ADGRA3: variants seen among roughly 807,000 people sequenced by gnomAD.
ADGRA3 encodes the protein adhesion G protein-coupled receptor A3.
ADGRA3 carries 56 observed loss-of-function variants against 119.8 expected under a neutral mutation model. That is an observed-to-expected ratio of 0.47 (90% CI 0.38 to 0.58). ADGRA3 has a LOEUF of 0.58. Ranked by LOEUF, ADGRA3 falls within the 20% of genes least tolerant of loss-of-function variation. The probability of loss-of-function intolerance (pLI) is 0.00; values close to 1 mark genes in which losing one functional copy is unlikely to be tolerated. For synonymous variants in ADGRA3, 607 were observed against 623.8 expected (o/e 0.97, Z 0.40); for missense variants, 1,516 against 1,649.0 (o/e 0.92, Z 1.40).
intron 14 of ADGRA3, among the ~76,000 whole-genome samples, chr4:22,406,368 CT>C (rs1714926722): frequency 6.6e-6 from 1 of 152,158 alleles, no homozygotes. Flanking sequence ...CATACGGTAG[CT>C]CTATTTTTAG....
chr4:22,402,115 G>A (rs189442842), intron 15 of ADGRA3, among the ~76,000 whole-genome samples: 1 of 152,062 alleles, frequency 6.6e-6, no homozygotes, highest in Non-Finnish European at 1.5e-5. Flanking sequence ...CTAGCAAAAC[G>A]TTTTGTAAAG....
At chr4:22,474,475 G>A (rs1051840830) in intron 1 of ADGRA3, among the ~76,000 whole-genome samples, 4 of 152,100 alleles carry the variant, frequency 2.6e-5, no homozygotes, top group South Asian at 2.1e-4. Flanking sequence ...TCATAGTTGC[G>A]CCTATCCCAA....
rs1442522622 is a variant in ADGRA3, at chr4:22,388,094, C to T, written c.3577G>A (p.Asp1193Asn). 2.5e-6 allele frequency: 4 copies of T among 1,614,034 alleles called. No individual in the cohort carries two copies. The highest frequency in any genetic ancestry group is 1.7e-5 in the Admixed American group (1 of 59,996). ...RLTVLREYAYDVPTSVEGSVQ... is the reference protein window; with the variant it reads ...RLTVLREYAYNVPTSVEGSVQ... Reference sequence around the variant, plus strand: ...CTTCCTTCCACGCTCGTTGGGACATCGTAGGCATATTCTCTCAGGACTGTG... The same window carrying T: ...CTTCCTTCCACGCTCGTTGGGACATTGTAGGCATATTCTCTCAGGACTGTG... The change falls in exon 19 of 19, where the codon GAT (aspartate) becomes AAT (asparagine). Residue 1193 changes from aspartate to asparagine, a missense_variant. Asp to Asn is a conservative substitution (Grantham distance 23). This residue lies in a region of ADGRA3 where 1,088 missense variants were observed against 1,107.1 expected (regional missense o/e 0.98). Transcript: ENST00000334304.
At chr4:22,402,883 T>C in intron 14 of ADGRA3, 84 bp from the exon 15 acceptor site, 1 of 1,321,672 alleles carries the variant, frequency 7.6e-7, no homozygotes. Flanking sequence ...CGAAAACACA[T>C]CAATAAACAA....
intron 1 of ADGRA3, among the ~76,000 whole-genome samples, chr4:22,489,291 C>T (rs1224393677): frequency 1.3e-5 from 2 of 151,934 alleles, no homozygotes; most frequent in African/African-American, 2.4e-5. Flanking sequence ...CCACCAGGTC[C>T]CTCCCATAAC....
Position 22,461,744 on chromosome 4 carries a change from T to C in ADGRA3, c.394A>G (p.Lys132Glu), listed in dbSNP as rs1717464188. 2.5e-6 allele frequency: 4 copies of C among 1,602,740 alleles called. No individual in the cohort carries two copies. Among genetic ancestry groups the C allele is most frequent in the Non-Finnish European group, 2.6e-6 (3 of 1,172,038 alleles). Reference sequence around the variant, plus strand: ...AGCAATTCAAACACTTACAATCTTTTTAGAGATGACAGTCCCCAGAAGGCA... The same window carrying C: ...AGCAATTCAAACACTTACAATCTTTCTAGAGATGACAGTCCCCAGAAGGCA... Reference protein sequence around the residue: ...PGAFWGLSSLKRLDLTNNRIG... With the variant: ...PGAFWGLSSLERLDLTNNRIG... Residue 132 changes from lysine (K) to glutamate (E), a missense_variant, in exon 3 of 19, where the codon AAA becomes GAA. Physicochemically the swap from Lys to Glu is moderately conservative, Grantham distance 56. Transcript: ENST00000334304.
intron 1 of ADGRA3, among the ~76,000 whole-genome samples, chr4:22,507,700 C>T (rs530027374): frequency 6.6e-6 from 1 of 152,282 alleles, no homozygotes; most frequent in East Asian, 1.9e-4. Flanking sequence ...ACCCTGTCAT[C>T]ATATCAGAAA....
rs781447096 is a variant in ADGRA3 at position 22,388,344 on chromosome 4, G to A, written c.3327C>T (p.Ser1109=). 1.9e-6 allele frequency: 3 copies of A among 1,614,116 alleles called. No individual in the cohort carries two copies. Among genetic ancestry groups the A allele is most frequent in the Non-Finnish European group, 1.7e-6 (2 of 1,180,010 alleles). ...TNKSASSFKN[S]SQGCKLTNLQ... ...AGTTTGTTAATTTGCAGCCCTGGGA[G>A]GAATTTTTGAAGCTTGAAGCACTTT... Residue 1109 remains serine (S), a synonymous_variant, in exon 19 of 19, where the codon TCC becomes TCT. Coordinates refer to ENST00000334304, the MANE Select transcript of ADGRA3 (RefSeq NM_145290.4).
intron 12 of ADGRA3, among the ~76,000 whole-genome samples, chr4:22,418,100 T>C (rs1407723170): frequency 1.3e-5 from 2 of 152,230 alleles, no homozygotes; most frequent in Non-Finnish European, 2.9e-5. Context: ...TGCTAACATA[T>C]CTGAGTTATG....
At chr4:22,403,428 C>A (rs1307838328) in intron 14 of ADGRA3, among the ~76,000 whole-genome samples, 2 of 151,840 alleles carry the variant, frequency 1.3e-5, no homozygotes, top group Non-Finnish European at 2.9e-5. Flanking sequence ...AGAGGAAGAG[C>A]CCTGTAAGAG....
intron 2 of ADGRA3, among the ~76,000 whole-genome samples, chr4:22,472,184 C>A (rs1717880044): frequency 6.6e-6 from 1 of 152,194 alleles, no homozygotes; most frequent in Non-Finnish European, 1.5e-5. Flanking sequence ...ATACTAAATG[C>A]CTGACACTGT....
At chr4:22,421,881 C>CCAAAAAAAAAA (rs767609157) in intron 11 of ADGRA3, among the ~76,000 whole-genome samples, 1 of 70,426 alleles carries the variant, frequency 1.4e-5, no homozygotes, top group African/African-American at 6.4e-5. Context: ...ACTCAGTCTC[C>CCAAAAAAAAAA]AAAAAAAAAA....
At chr4:22,415,846 AC>A (rs879600584) in intron 12 of ADGRA3, among the ~76,000 whole-genome samples, 7 of 152,110 alleles carry the variant, frequency 4.6e-5, no homozygotes, top group Non-Finnish European at 1.0e-4. Flanking sequence ...TAAAAAAAAA[AC>A]AATGTACAAA....
intron 3 of ADGRA3, among the ~76,000 whole-genome samples, 192 bp from the exon 4 acceptor site, chr4:22,455,129 C>T (rs1717194443): frequency 6.6e-6 from 1 of 152,202 alleles, no homozygotes; most frequent in Admixed American, 6.5e-5. Context: ...TCACTTACTG[C>T]TGGCACGCAC....
chr4:22,506,309 TTG>T (rs1370642008), intron 1 of ADGRA3, among the ~76,000 whole-genome samples: 1 of 152,108 alleles, frequency 6.6e-6, no homozygotes, highest in African/African-American at 2.4e-5. Context: ...TCCCAGCACT[TTG>T]GGAGGCCAAG....
intron 10 of ADGRA3, among the ~76,000 whole-genome samples, chr4:22,428,128 CGT>C (rs1716017160): frequency 6.6e-6 from 1 of 152,002 alleles, no homozygotes; most frequent in Non-Finnish European, 1.5e-5. Flanking sequence ...CAAGATAATA[CGT>C]AAACTAAACT....
chr4:22,477,368 A>G (rs1232385147), intron 1 of ADGRA3, among the ~76,000 whole-genome samples: 1 of 152,194 alleles, frequency 6.6e-6, no homozygotes, highest in Non-Finnish European at 1.5e-5. Context: ...TTTTAAGACA[A>G]AGAAAAAATT....
chr4:22,498,571 T>C (rs998611758), intron 1 of ADGRA3, among the ~76,000 whole-genome samples: 1 of 151,328 alleles, frequency 6.6e-6, no homozygotes, highest in African/African-American at 2.4e-5. Context: ...TAAGCCGAGA[T>C]TGTGCCACTG....
In ADGRA3 at chr4:22,387,929, TG is replaced by T; in HGVS notation, c.3741del (p.Ser1249ValfsTer18). On this transcript the variant is annotated frameshift_variant, in exon 19 of 19. Transcript: ENST00000334304. LOFTEE classifies it low-confidence loss of function (END_TRUNC). ...GGCTTTTCAAAATTTCTGCTACTTT[TG>T]GGAAGTGTGCTACAAGCATCGCTGC... is the stretch of plus-strand genomic sequence containing the variant. ...QDSSDACSTL[P>X]KSSRNFEKPV... 6.2e-7 allele frequency: 1 copy of T among 1,614,158 alleles called. No individual in the cohort carries two copies. The highest frequency in any genetic ancestry group is 8.5e-7 in the Non-Finnish European group (1 of 1,180,018).
Sources: gnomAD v4.1 joint callset for allele counts (sites outside exome capture counted in the v4.1 genomes callset) on GRCh38, gnomAD v4.1.1 for gene constraint, gnomAD v4.1.1 regional missense constraint, MANE v1.5 for transcripts, NCBI Gene and HGNC (gene_info 2026-07-23, HGNC 2026-07-21) for gene names.